The following JARID2 variants were observed in gnomAD, a reference collection of about 807,000 sequenced individuals.
JARID2 encodes the protein jumonji and AT-rich interaction domain containing 2.
JARID2 carries 21 observed loss-of-function variants against 125.6 expected under a neutral mutation model. That is an observed-to-expected ratio of 0.17 (90% confidence interval 0.12 to 0.24). The LOEUF is 0.24. Among genes scored for constraint, JARID2 ranks in the 10% least tolerant of loss-of-function variants. The pLI, the probability that JARID2 is intolerant of heterozygous loss-of-function variation, is 1.00. For missense variants in JARID2, 1,303 were observed against 1,639.6 expected, an observed-to-expected ratio of 0.79 and a Z score of 3.55; for synonymous variants, 736 against 661.6, an observed-to-expected ratio of 1.11 and a Z score of -1.73.
chr6:15,285,869 ATGCATTATG>A lies in JARID2; in HGVS notation c.45+39287_45+39295del, dbSNP rs149230848. 2.1e-5 allele frequency among the ~76,000 whole-genome samples: 3 copies of A among 144,402 alleles called. No individual in the cohort carries two copies. In the Admixed American group the frequency reaches 2.2e-4, roughly 11 times the overall value. The allele number at this position is 144,402 out of a possible 152,430, so 94.7% of individuals were successfully genotyped here. A position where few individuals can be genotyped will look rare whatever the true frequency, so the allele number is the denominator to read the frequency against. Reference sequence around the variant, plus strand: ...TAAAGGAATTTTGCTGGCATAAAACATGCATTATGTATCACACTTGTATTTTAAAGCCCA... The same window carrying A: ...TAAAGGAATTTTGCTGGCATAAAACATATCACACTTGTATTTTAAAGCCCA... On this transcript the variant is annotated intron_variant, in intron 1 of 17. Coordinates refer to ENST00000341776, the MANE Select transcript of JARID2 (RefSeq NM_004973.4).
At position 15,322,986 on chromosome 6, in the gene JARID2, A is replaced by C. The variant is rs190092609; in HGVS notation, c.46-51131A>C. 4.2e-3 allele frequency among the ~76,000 whole-genome samples: 644 copies of C among 152,352 alleles called. 4 individuals are homozygous for C. Among genetic ancestry groups the C allele is most frequent in the Middle Eastern group, 0.017 (5 of 294 alleles). Reference sequence around the variant, plus strand: ...TTCTGAATTATCTGGTTCATTTGAGATTGGACTGTATGCAATTTGGTCGTA... The same window carrying C: ...TTCTGAATTATCTGGTTCATTTGAGCTTGGACTGTATGCAATTTGGTCGTA... On this transcript the variant is annotated intron_variant, in intron 1 of 17. Transcript: ENST00000341776.
intron 1 of JARID2, among the ~76,000 whole-genome samples, chr6:15,345,376 G>T (rs1481976672): frequency 6.6e-6 from 1 of 152,126 alleles, no homozygotes; most frequent in Admixed American, 6.6e-5. Context: ...TGTCAATTAC[G>T]AGTTGCACCT....
intron 8 of JARID2, among the ~76,000 whole-genome samples, chr6:15,503,914 G>A (rs960358959): frequency 4.6e-5 from 7 of 152,230 alleles, no homozygotes; most frequent in South Asian, 2.1e-4. Context: ...GAGGGGCATC[G>A]AAGAAGAGGC....
intron 1 of JARID2, among the ~76,000 whole-genome samples, chr6:15,327,716 G>T (rs1471495498): frequency 6.6e-6 from 1 of 152,148 alleles, no homozygotes; most frequent in Non-Finnish European, 1.5e-5. Flanking sequence ...CAGAACTATA[G>T]AAATTTGGTT....
At chr6:15,441,783 T>TTTTTA (rs745688416) in intron 3 of JARID2, among the ~76,000 whole-genome samples, 142 of 152,138 alleles carry the variant, frequency 9.3e-4, no homozygotes, top group African/African-American at 3.2e-3. Context: ...TATTTATTTA[T>TTTTTA]TTTTATTTTA....
chr6:15,493,483 C>T (rs1033973028), intron 6 of JARID2, among the ~76,000 whole-genome samples: 2 of 152,136 alleles, frequency 1.3e-5, no homozygotes, highest in Non-Finnish European at 2.9e-5. Flanking sequence ...TATACGAAGC[C>T]GCACTGTGTC....
chr6:15,501,524 A>AAGGG (rs57801073), intron 8 of JARID2, 115 bp downstream of exon 8: 14 of 1,031,312 alleles, frequency 1.4e-5, no homozygotes, highest in Non-Finnish European at 1.5e-5. Flanking sequence ...TGGGGTGATG[A>AAGGG]GGGGGCGGGC....
At chr6:15,470,109 G>A (rs548750807) in intron 5 of JARID2, among the ~76,000 whole-genome samples, 4 of 151,816 alleles carry the variant, frequency 2.6e-5, no homozygotes, top group Non-Finnish European at 4.4e-5. Flanking sequence ...CCCGGGAGGC[G>A]GAGGTTGCAG....
chr6:15,468,090 T>A (rs959676790), intron 4 of JARID2, among the ~76,000 whole-genome samples: 1 of 151,902 alleles, frequency 6.6e-6, no homozygotes, highest in Non-Finnish European at 1.5e-5. Flanking sequence ...CCATAAGGAA[T>A]GAATATTCCT....
rs546960263 is a variant in JARID2 at position 15,449,495 on chromosome 6, C to A, written c.324-2511C>A. Among the ~76,000 whole-genome samples, 31 of 149,216 alleles carry A rather than the reference C, an allele frequency of 2.1e-4. No homozygotes were observed. In the South Asian group the frequency reaches 3.0e-3, roughly 14 times the overall value. On this transcript the variant is annotated intron_variant, in intron 3 of 17. Transcript: ENST00000341776. The stretch of plus-strand genomic sequence containing the variant: ...ACCCTGTCTTTATCAAAAAAAAAAA[C>A]CCAGCAACAGCAACAAGCCAAAAAC...
intron 2 of JARID2, among the ~76,000 whole-genome samples, chr6:15,399,059 A>G (rs916526695): frequency 2.6e-5 from 4 of 152,178 alleles, no homozygotes; most frequent in Non-Finnish European, 4.4e-5. Context: ...CATCCCCCGA[A>G]TGTCCTTTAA....
intron 1 of JARID2, chr6:15,369,212 G>A (rs1455327210): frequency 6.0e-6 from 2 of 330,882 alleles, no homozygotes; most frequent in Admixed American, 6.0e-5. Flanking sequence ...AAGACTCACA[G>A]TCCGGGTTAG....
intron 1 of JARID2, among the ~76,000 whole-genome samples, chr6:15,285,644 C>T (rs1760969621): frequency 1.3e-5 from 2 of 152,084 alleles, no homozygotes; most frequent in African/African-American, 4.8e-5. Context: ...TTTGAAATTG[C>T]TTTTTATTCC....
intron 3 of JARID2, among the ~76,000 whole-genome samples, chr6:15,445,866 G>A (rs1767652005): frequency 6.6e-6 from 1 of 152,150 alleles, no homozygotes; most frequent in African/African-American, 2.4e-5. Context: ...TGCCTAGTTG[G>A]TATTTTTTTG....
intron 5 of JARID2, among the ~76,000 whole-genome samples, chr6:15,469,304 GTCTCTCTCTCTCTGTC>G (rs1449934058): frequency 3.4e-4 from 19 of 55,878 alleles, no homozygotes; most frequent in African/African-American, 1.5e-3. Flanking sequence ...CTCTGTCTCT[GTCTCTCTCTCTCTGTC>G]TCTCTCTCTC....
chr6:15,468,156 C>T (rs1452462558), intron 4 of JARID2, among the ~76,000 whole-genome samples: 4 of 137,752 alleles, frequency 2.9e-5, no homozygotes, highest in East Asian at 2.2e-4. Flanking sequence ...GTTTTTACTT[C>T]TGTCTTCTCT....
At chr6:15,468,186 T>G (rs1034674269) in intron 4 of JARID2, among the ~76,000 whole-genome samples, 6 of 149,878 alleles carry the variant, frequency 4.0e-5, no homozygotes, top group African/African-American at 1.5e-4. Flanking sequence ...TTTTTTTTTT[T>G]AAGTCTATTA....
chr6:15,517,493 C>T (rs1771620176), intron 17 of JARID2, among the ~76,000 whole-genome samples: 1 of 152,214 alleles, frequency 6.6e-6, no homozygotes, highest in Non-Finnish European at 1.5e-5. Flanking sequence ...GCAATGGGCT[C>T]TTAACAGGGC....
intron 17 of JARID2, 94 bp from the exon 18 acceptor site, chr6:15,519,975 C>T (rs1771754293): frequency 1.0e-6 from 1 of 965,806 alleles, no homozygotes; most frequent in Non-Finnish European, 1.5e-6. Flanking sequence ...GGGACCGCTG[C>T]CCTCTGCCCT....
Sources: allele counts gnomAD v4.1 joint callset (sites outside exome capture counted in the v4.1 genomes callset), GRCh38; gene constraint gnomAD v4.1.1; transcripts MANE v1.5; gene names NCBI Gene and HGNC (gene_info 2026-07-23, HGNC 2026-07-21).